ST3GAL1: variants seen among roughly 807,000 people sequenced by gnomAD.
ST3GAL1 encodes ST3 beta-galactoside alpha-2,3-sialyltransferase 1.
ST3GAL1 carries 16 observed loss-of-function variants against 34.1 expected under a neutral mutation model. The ratio of observed to expected loss-of-function variants is 0.47; its 90% CI spans 0.32 to 0.71. The LOEUF (loss-of-function observed/expected upper bound fraction) is 0.71, where lower values mean the gene tolerates loss of function less well. Among genes scored for constraint, ST3GAL1 ranks in the 30% least tolerant of loss-of-function variants. The probability of loss-of-function intolerance (pLI) is 0.04; values close to 1 mark genes in which losing one functional copy is unlikely to be tolerated. For synonymous variants in ST3GAL1, 191 were observed against 184.7 expected, an observed-to-expected ratio of 1.03 and a Z score of -0.28; for missense variants, 353 against 447.4, an observed-to-expected ratio of 0.79 and a Z score of 1.90.
chr8:133,464,662 A>T, intron 7 of ST3GAL1, 116 bp downstream of exon 7: 2 of 1,127,516 alleles, frequency 1.8e-6, no homozygotes, highest in Non-Finnish European at 2.5e-6. Flanking sequence ...GTGCCGGAGG[A>T]GGCTGGGGGA....
chr8:133,491,219 A>C (rs569813643), intron 3 of ST3GAL1, among the ~76,000 whole-genome samples: 3 of 152,318 alleles, frequency 2.0e-5, no homozygotes, highest in African/African-American at 7.2e-5. Flanking sequence ...AAAAGAATTT[A>C]AATCCACAAA....
In ST3GAL1 at chr8:133,499,378, G is replaced by C. The variant is rs147344707; in HGVS notation, c.-428-189C>G. On this transcript the variant is annotated intron_variant, in intron 2 of 9. Transcript: ENST00000522652. ...AGAGTCACCTAAAGAGCACTGGATG[G>C]GAGCCAGGGGACCTACGTGCAGAAG... 159 of 152,340 alleles carry C rather than the reference G, an allele frequency of 1.0e-3. 1 individual carries two copies. The highest frequency in any genetic ancestry group is 3.7e-3 in the African/African-American group (155 of 41,560). The allele number at this position is 152,340 out of a possible 1,614,324, so 9.4% of individuals were successfully genotyped here.
chr8:133,558,509 G>C (rs1819124818), intron 1 of ST3GAL1, among the ~76,000 whole-genome samples: 1 of 152,166 alleles, frequency 6.6e-6, no homozygotes, highest in Non-Finnish European at 1.5e-5. Context: ...TTACTGCAAA[G>C]GCTCTTTGCA....
intron 5 of ST3GAL1, among the ~76,000 whole-genome samples, chr8:133,475,363 G>T (rs371545348): frequency 3.9e-5 from 6 of 152,362 alleles, no homozygotes; most frequent in South Asian, 2.1e-4. Context: ...AGCTGCAAGA[G>T]GATGCACTTT....
intron 5 of ST3GAL1, among the ~76,000 whole-genome samples, chr8:133,473,726 T>C (rs1414490557): frequency 1.3e-5 from 2 of 152,222 alleles, no homozygotes; most frequent in Non-Finnish European, 2.9e-5. Context: ...CACCTGACAA[T>C]GTCTGGAGAT....
intron 3 of ST3GAL1, among the ~76,000 whole-genome samples, chr8:133,479,693 C>A (rs1816312321): frequency 6.6e-6 from 1 of 152,124 alleles, no homozygotes; most frequent in African/African-American, 2.4e-5. Flanking sequence ...GCGTGAGAGG[C>A]AGGGCAGAGG....
chr8:133,565,426 G>A (rs1295339951), intron 1 of ST3GAL1, among the ~76,000 whole-genome samples: 3 of 152,136 alleles, frequency 2.0e-5, no homozygotes, highest in African/African-American at 7.2e-5. Context: ...GGCAACTATT[G>A]CGATGCTCTC....
intron 1 of ST3GAL1, chr8:133,567,150 G>A (rs937130667): frequency 6.6e-6 from 1 of 152,176 alleles, no homozygotes; most frequent in Non-Finnish European, 1.5e-5. Context: ...AAGGTGGAGG[G>A]AACCTTTCCC....
At chr8:133,517,440 C>A (rs546026632) in intron 2 of ST3GAL1, among the ~76,000 whole-genome samples, 1 of 152,284 alleles carries the variant, frequency 6.6e-6, no homozygotes, top group Admixed American at 6.5e-5. Flanking sequence ...ACCTCTGCCT[C>A]CCGGGTTCAA....
intron 1 of ST3GAL1, among the ~76,000 whole-genome samples, chr8:133,569,379 G>T (rs1173008562): frequency 6.6e-6 from 1 of 152,204 alleles, no homozygotes; most frequent in Non-Finnish European, 1.5e-5. Flanking sequence ...CACACATGTA[G>T]AGTATGAACT....
At chr8:133,503,139 G>A (rs762048692) in intron 2 of ST3GAL1, among the ~76,000 whole-genome samples, 18 of 152,172 alleles carry the variant, frequency 1.2e-4, no homozygotes, top group Admixed American at 2.0e-4. Flanking sequence ...CACTTGTAAC[G>A]AACAAGAAAT....
rs576748157 is a variant in ST3GAL1 at position 133,541,391 on chromosome 8, CAG to C, written c.-429+4381_-429+4382del. 2.7e-4 allele frequency among the ~76,000 whole-genome samples: 41 copies of C among 152,182 alleles called. No individual in the cohort carries two copies. In the South Asian group the frequency reaches 8.5e-3, roughly 32 times the overall value. ...TGCAAGAGAACAAATGCTCCCTCTGCAGAGACGCCTGGTTCTGTAATCACACC... is the reference window on the plus strand; with the variant it reads ...TGCAAGAGAACAAATGCTCCCTCTGCAGACGCCTGGTTCTGTAATCACACC... On this transcript the variant is annotated intron_variant, in intron 2 of 9. Coordinates refer to ENST00000522652, the MANE Select transcript of ST3GAL1 (RefSeq NM_173344.3).
Position 133,562,496 on chromosome 8 carries a change from C to G in ST3GAL1, c.-582+9197G>C, listed in dbSNP as rs558780427. 1.8e-4 allele frequency among the ~76,000 whole-genome samples: 28 copies of G among 152,300 alleles called. No homozygotes were observed. The South Asian group carries it at 5.8e-3, about 32-fold the overall frequency. ...GTGCTGGGATTACAGGTATGAGCCA[C>G]AGGGCCTGGCCTGAATCCACATCTT... On this transcript the variant is annotated intron_variant, in intron 1 of 9. Transcript: ENST00000522652.
intron 3 of ST3GAL1, among the ~76,000 whole-genome samples, chr8:133,494,742 A>C (rs1816889985): frequency 6.6e-6 from 1 of 151,752 alleles, no homozygotes; most frequent in Non-Finnish European, 1.5e-5. Flanking sequence ...TCCCTCAAGC[A>C]GGCCAAGCAC....
chr8:133,551,572 A>C (rs899658626), intron 1 of ST3GAL1, among the ~76,000 whole-genome samples: 11 of 149,284 alleles, frequency 7.4e-5, no homozygotes, highest in African/African-American at 2.8e-4. Flanking sequence ...GAAAGAAAGA[A>C]AGAAAGAAAG....
chr8:133,487,175 G>A (rs113131564), intron 3 of ST3GAL1, among the ~76,000 whole-genome samples: 12,042 of 152,028 alleles, frequency 0.079, 604 homozygotes, highest in Admixed American at 0.14. Flanking sequence ...TCCTGACCTC[G>A]TGATCTGCCC....
chr8:133,499,504 GT>G (rs1368846820), intron 2 of ST3GAL1: 5 of 152,186 alleles, frequency 3.3e-5, no homozygotes, highest in African/African-American at 7.2e-5. Flanking sequence ...GCCCCAGAGA[GT>G]TTTAATCAAC....
At chr8:133,555,635 A>G (rs1171307833) in intron 1 of ST3GAL1, among the ~76,000 whole-genome samples, 1 of 152,058 alleles carries the variant, frequency 6.6e-6, no homozygotes, top group East Asian at 1.9e-4. Flanking sequence ...CTCATTACCG[A>G]AAGGATCAAG....
chr8:133,503,960 G>A (rs1451154297), intron 2 of ST3GAL1, among the ~76,000 whole-genome samples: 3 of 152,184 alleles, frequency 2.0e-5, no homozygotes, highest in African/African-American at 7.2e-5. Flanking sequence ...AGGCAGTGTG[G>A]GATGTCTACA....
Sources: gnomAD v4.1 joint callset for allele counts (sites outside exome capture counted in the v4.1 genomes callset) on GRCh38, gnomAD v4.1.1 for gene constraint, MANE v1.5 for transcripts, NCBI Gene and HGNC (gene_info 2026-07-23, HGNC 2026-07-21) for gene names.